The following LRRC4C variants were observed in gnomAD, a reference collection of about 807,000 sequenced individuals.
LRRC4C encodes the protein leucine-rich repeat-containing protein 4C.
Under a neutral mutation model 33.6 loss-of-function variants are expected in LRRC4C, and 5 were observed. The observed-to-expected ratio is 0.15, with a 90% CI of 0.08 to 0.31. The LOEUF (loss-of-function observed/expected upper bound fraction) is 0.31, where lower values mean the gene tolerates loss of function less well. Among genes scored for constraint, LRRC4C ranks in the 10% least tolerant of loss-of-function variants. The pLI, the probability that LRRC4C is intolerant of heterozygous loss-of-function variation, is 1.00. For missense variants in LRRC4C, 560 were observed against 796.7 expected (o/e 0.70, Z 3.58); for synonymous variants, 329 against 302.0 (o/e 1.09, Z -0.93).
intron 1 of LRRC4C, among the ~76,000 whole-genome samples, chr11:41,174,932 G>A (rs1427983376): frequency 6.6e-6 from 1 of 151,864 alleles, no homozygotes. Flanking sequence ...CCGATTTCAT[G>A]CCACAAACCA....
intron 2 of LRRC4C, among the ~76,000 whole-genome samples, chr11:40,699,963 G>T (rs927312449): frequency 6.6e-6 from 1 of 152,092 alleles, no homozygotes; most frequent in Non-Finnish European, 1.5e-5. Flanking sequence ...CTTCTTAGTA[G>T]AGGAGAAAAA....
chr11:40,766,543 A>G (rs1171280636), intron 2 of LRRC4C, among the ~76,000 whole-genome samples: 1 of 151,850 alleles, frequency 6.6e-6, no homozygotes, highest in East Asian at 1.9e-4. Flanking sequence ...AAATAACTAT[A>G]CAACTTTTTA....
At chr11:41,442,701 C>A (rs1955676038) in intron 1 of LRRC4C, among the ~76,000 whole-genome samples, 1 of 151,898 alleles carries the variant, frequency 6.6e-6, no homozygotes, top group Non-Finnish European at 1.5e-5. Context: ...GATCTCCTGA[C>A]CTCGTGATCC....
intron 1 of LRRC4C, among the ~76,000 whole-genome samples, chr11:41,194,611 C>G (rs917278168): frequency 9.2e-5 from 14 of 152,072 alleles, no homozygotes; most frequent in African/African-American, 3.4e-4. Flanking sequence ...AGACTCTTAG[C>G]TAGCAAGAAG....
intron 1 of LRRC4C, among the ~76,000 whole-genome samples, chr11:41,287,389 A>C (rs1465955568): frequency 1.3e-5 from 2 of 152,152 alleles, no homozygotes; most frequent in African/African-American, 4.8e-5. Flanking sequence ...AGGGTCTAGA[A>C]TTTGACTCAA....
intron 2 of LRRC4C, among the ~76,000 whole-genome samples, chr11:40,880,861 G>GTGTA (rs928833022): frequency 9.9e-5 from 5 of 50,352 alleles, no homozygotes; most frequent in Non-Finnish European, 2.5e-4. Context: ...AAATGTGTGT[G>GTGTA]TGTATATATA....
At chr11:41,093,972 A>G (rs1433688976) in intron 1 of LRRC4C, among the ~76,000 whole-genome samples, 5 of 146,786 alleles carry the variant, frequency 3.4e-5, no homozygotes, top group Non-Finnish European at 7.5e-5. Context: ...AGCCAGGTGT[A>G]GTGGCATGTG....
intron 1 of LRRC4C, among the ~76,000 whole-genome samples, chr11:41,313,158 G>C (rs988143238): frequency 2.0e-5 from 3 of 152,136 alleles, no homozygotes; most frequent in African/African-American, 7.2e-5. Flanking sequence ...GCCAGTTCCA[G>C]GGTTGGTTAA....
chr11:40,549,196 C>G (rs187834948), intron 3 of LRRC4C, among the ~76,000 whole-genome samples: 121 of 152,232 alleles, frequency 7.9e-4, no homozygotes, highest in African/African-American at 2.9e-3. Context: ...TCCTTTATAA[C>G]CTATCATTAG....
chr11:40,605,167 C>T (rs1221093888), intron 3 of LRRC4C, among the ~76,000 whole-genome samples: 1 of 151,942 alleles, frequency 6.6e-6, no homozygotes, highest in Non-Finnish European at 1.5e-5. Flanking sequence ...CCTTATAAGG[C>T]CTTCTGTAAG....
chr11:40,499,058 T>C (rs1252237547), intron 3 of LRRC4C, among the ~76,000 whole-genome samples: 1 of 152,204 alleles, frequency 6.6e-6, no homozygotes, highest in Non-Finnish European at 1.5e-5. Flanking sequence ...AGAAGTAGTC[T>C]GCCCCAAAGG....
At chr11:40,897,851 C>A (rs1252085502) in intron 2 of LRRC4C, among the ~76,000 whole-genome samples, 1 of 152,262 alleles carries the variant, frequency 6.6e-6, no homozygotes, top group East Asian at 1.9e-4. Flanking sequence ...AGCTTGTTGA[C>A]CAGCCATCGC....
chr11:40,213,471 T>C (rs76917356), intron 5 of LRRC4C, among the ~76,000 whole-genome samples: 6,466 of 152,216 alleles, frequency 0.042, 202 homozygotes, highest in Middle Eastern at 0.078. Context: ...CCAAGAATCA[T>C]GGTGCTGCTA....
intron 2 of LRRC4C, among the ~76,000 whole-genome samples, chr11:40,806,496 C>T (rs1951256982): frequency 6.6e-6 from 1 of 152,222 alleles, no homozygotes. Flanking sequence ...GACTTAACCT[C>T]TGAAGCCATG....
At chr11:40,942,010 G>C (rs1337597870) in intron 1 of LRRC4C, among the ~76,000 whole-genome samples, 3 of 152,118 alleles carry the variant, frequency 2.0e-5, no homozygotes, top group Non-Finnish European at 4.4e-5. Context: ...AGGATAAAGG[G>C]GCAGTGAGCA....
chr11:40,149,999 C>T (rs1247518214), intron 5 of LRRC4C, among the ~76,000 whole-genome samples: 1 of 152,152 alleles, frequency 6.6e-6, no homozygotes, highest in African/African-American at 2.4e-5. Flanking sequence ...AAGTCTGAAA[C>T]TGAGATGCTG....
chr11:41,015,857 C>T (rs12790934), intron 1 of LRRC4C, among the ~76,000 whole-genome samples: 54,571 of 151,798 alleles, frequency 0.36, 10,840 homozygotes, highest in East Asian at 0.52. Flanking sequence ...AAAATTTATC[C>T]GGGCGTGGTG....
chr11:40,662,361 A>G (rs935930213), intron 2 of LRRC4C, among the ~76,000 whole-genome samples: 3 of 152,090 alleles, frequency 2.0e-5, no homozygotes, highest in African/African-American at 7.2e-5. Flanking sequence ...CTGACCACAA[A>G]CCCTATATAA....
At chr11:40,677,033 T>A (rs2136304794) in intron 2 of LRRC4C, among the ~76,000 whole-genome samples, 1 of 152,302 alleles carries the variant, frequency 6.6e-6, no homozygotes, top group Middle Eastern at 3.4e-3. Flanking sequence ...TGACTCCCCC[T>A]GTGTTTCACA....
Sources: allele counts gnomAD v4.1 joint callset (sites outside exome capture counted in the v4.1 genomes callset), GRCh38; gene constraint gnomAD v4.1.1; transcripts MANE v1.5; gene names NCBI Gene and HGNC (gene_info 2026-07-23, HGNC 2026-07-21).